Variants in BBX observed in about 807,000 individuals in gnomAD.
The protein encoded by BBX is HMG box transcription factor BBX.
A neutral mutation model predicts 100.2 loss-of-function variants in BBX; 30 were observed. The ratio of observed to expected loss-of-function variants is 0.30; its 90% CI spans 0.22 to 0.41. The LOEUF (loss-of-function observed/expected upper bound fraction) is 0.41, where lower values mean the gene tolerates loss of function less well. Among genes scored for constraint, BBX ranks in the 10% least tolerant of loss-of-function variants. BBX has a pLI of 1.00. For synonymous variants in BBX, 376 were observed against 388.1 expected (o/e 0.97, Z 0.37); for missense variants, 1,023 against 1,129.8 (o/e 0.91, Z 1.35).
chr3:107,620,299 C>A (rs2055644410), intron 2 of BBX, among the ~76,000 whole-genome samples: 1 of 152,142 alleles, frequency 6.6e-6, no homozygotes, highest in African/African-American at 2.4e-5. Context: ...TTGTTTCAGG[C>A]ACGGTTGCTT....
At chr3:107,657,064 A>G (rs1379681259) in intron 3 of BBX, 1 of 152,166 alleles carries the variant, frequency 6.6e-6, no homozygotes, top group Non-Finnish European at 1.5e-5. Context: ...CTCAAAAGGC[A>G]TATGGGCCAC....
chr3:107,568,117 T>A (rs1232828917), intron 2 of BBX, among the ~76,000 whole-genome samples: 1 of 152,136 alleles, frequency 6.6e-6, no homozygotes, highest in Non-Finnish European at 1.5e-5. Context: ...GTTTTTAAGG[T>A]TTTCTGTTTA....
intron 3 of BBX, among the ~76,000 whole-genome samples, chr3:107,710,167 G>A (rs1371595190): frequency 6.6e-6 from 1 of 152,198 alleles, no homozygotes; most frequent in Admixed American, 6.5e-5. Flanking sequence ...GGGGTTTTAG[G>A]TTCAGAAGCT....
At chr3:107,583,938 TTATA>T (rs897152584) in intron 2 of BBX, among the ~76,000 whole-genome samples, 3 of 100,318 alleles carry the variant, frequency 3.0e-5, no homozygotes, top group African/African-American at 8.7e-5. Flanking sequence ...AATATATATA[TTATA>T]TATATTATTA....
In BBX at chr3:107,764,003, C is replaced by T. The variant is rs115700485; in HGVS notation, c.906+8325C>T. On this transcript the variant is annotated intron_variant, in intron 10 of 17. Transcript: ENST00000325805. The stretch of plus-strand genomic sequence containing the variant: ...TTGTTTTTGTTGCTGCTGCTGTTGC[C>T]GTTTTTTGAGATGGAGTCTTGCTCT... 4.0e-3 allele frequency among the ~76,000 whole-genome samples: 606 copies of T among 152,198 alleles called. 6 individuals carry two copies. Among genetic ancestry groups the T allele is most frequent in the African/African-American group, 0.014 (577 of 41,534 alleles).
In BBX at chr3:107,798,581, A is replaced by G. The variant is rs2070017031; in HGVS notation, c.2412A>G (p.Pro804=). ...CTGTTCATAAGGTTAAAAATATCCCATCCATTTTCAACACTCCAGAGCCAA... is the reference window on the plus strand; with the variant it reads ...CTGTTCATAAGGTTAAAAATATCCCGTCCATTTTCAACACTCCAGAGCCAA... ...MEPVHKVKNI[P]SIFNTPEPTT... Residue 804 remains proline (P), a synonymous_variant, in exon 16 of 18, where the codon CCA becomes CCG. Coordinates refer to ENST00000325805, the MANE Select transcript of BBX (RefSeq NM_001142568.3). 9.3e-6 allele frequency: 15 copies of G among 1,613,980 alleles called. No homozygotes were observed. Among genetic ancestry groups the G allele is most frequent in the East Asian group, 2.2e-5 (1 of 44,878 alleles).
At chr3:107,533,429 A>G (rs485236) in intron 2 of BBX, among the ~76,000 whole-genome samples, 16,327 of 152,242 alleles carry the variant, frequency 0.11, 989 homozygotes, top group Non-Finnish European at 0.12. Context: ...TATTACCTCA[A>G]TCAGACTGTC....
At chr3:107,580,343 AG>A (rs2052178958) in intron 2 of BBX, among the ~76,000 whole-genome samples, 1 of 152,014 alleles carries the variant, frequency 6.6e-6, no homozygotes, top group Non-Finnish European at 1.5e-5. Flanking sequence ...TTAAATCCAC[AG>A]GTTTTTTTTG....
chr3:107,789,826 T>A lies in BBX; in HGVS notation c.2243T>A (p.Ile748Asn), dbSNP rs771090228. Reference sequence around the variant, plus strand: ...CAGAAAAAGAACTTATTCCACAAAATTGTCAGCAAATATAAGCACAAAAAG... The same window carrying A: ...CAGAAAAAGAACTTATTCCACAAAAATGTCAGCAAATATAAGCACAAAAAG... Reference protein sequence around the residue: ...QSQKKNLFHKIVSKYKHKKEK... With the variant: ...QSQKKNLFHKNVSKYKHKKEK... Residue 748 changes from isoleucine (I) to asparagine (N), a missense_variant, in exon 14 of 18, where the codon ATT (isoleucine) becomes AAT (asparagine). Physicochemically the swap from Ile to Asn is moderately radical, Grantham distance 149. Around this residue, in one of 9 missense-constraint regions of BBX, gnomAD observed 215 missense variants for 211.3 expected, o/e 1.02. Transcript: ENST00000325805. The A allele has an allele frequency of 3.2e-6, 5 of 1,550,006 alleles. 1 individual carries two copies. The South Asian group carries it at 6.0e-5, about 18-fold the overall frequency.
intron 2 of BBX, among the ~76,000 whole-genome samples, chr3:107,616,717 T>C (rs977779844): frequency 6.6e-6 from 1 of 152,202 alleles, no homozygotes; most frequent in Non-Finnish European, 1.5e-5. Context: ...AAATTGTTCA[T>C]GTATTTTCTC....
chr3:107,725,188 C>T (rs1464416066), intron 5 of BBX, among the ~76,000 whole-genome samples: 2 of 152,082 alleles, frequency 1.3e-5, no homozygotes, highest in East Asian at 3.8e-4. Context: ...GGGGAGTTCA[C>T]TCATGATTTG....
At chr3:107,635,211 T>G (rs1055681391) in intron 2 of BBX, among the ~76,000 whole-genome samples, 1 of 152,244 alleles carries the variant, frequency 6.6e-6, no homozygotes, top group Non-Finnish European at 1.5e-5. Context: ...TGATATAGTT[T>G]ACTTTAACTC....
At position 107,728,902 on chromosome 3, in the gene BBX, G is replaced by C. The variant is rs1277162537; in HGVS notation, c.543G>C (p.Leu181Phe). The C allele has an allele frequency of 1.9e-6, 3 of 1,613,858 alleles. No homozygotes were observed. Among genetic ancestry groups the C allele is most frequent in the Non-Finnish European group, 2.5e-6 (3 of 1,179,858 alleles). Residue 181 changes from leucine to phenylalanine, a missense_variant, in exon 6 of 18, where the codon TTG (leucine) becomes TTC (phenylalanine). This residue lies in a region of BBX where 229 missense variants were observed against 226.3 expected (regional missense o/e 1.01). Coordinates refer to ENST00000325805, the MANE Select transcript of BBX (RefSeq NM_001142568.3). ...WAFPSDSSRD[L>F]PSPKKAKTEE... ...TCCCATCTGACTCTTCAAGAGACTT[G>C]CCAAGCCCCAAGAAAGCAAAGACTG... is the stretch of plus-strand genomic sequence containing the variant.
chr3:107,696,971 T>C (rs1011764899), intron 3 of BBX, among the ~76,000 whole-genome samples: 2 of 151,888 alleles, frequency 1.3e-5, no homozygotes, highest in African/African-American at 4.9e-5. Flanking sequence ...CTGATACCCT[T>C]TCTTCCATTT....
At chr3:107,757,978 A>C (rs1001164603) in intron 10 of BBX, among the ~76,000 whole-genome samples, 1 of 152,130 alleles carries the variant, frequency 6.6e-6, no homozygotes, top group Non-Finnish European at 1.5e-5. Context: ...AATACAACTT[A>C]TTATCCTATC....
intron 5 of BBX, among the ~76,000 whole-genome samples, chr3:107,719,243 CGTT>C (rs966198662): frequency 1.1e-4 from 16 of 151,904 alleles, no homozygotes; most frequent in African/African-American, 3.6e-4. Flanking sequence ...AAATTTTAGA[CGTT>C]GTCCATTAGG....
chr3:107,674,549 C>T (rs528639406), intron 3 of BBX, among the ~76,000 whole-genome samples: 13 of 152,268 alleles, frequency 8.5e-5, no homozygotes, highest in Non-Finnish European at 1.8e-4. Flanking sequence ...GACATTGAGG[C>T]GTGCGATGCG....
chr3:107,778,349 T>G, intron 12 of BBX, 22 bp from the exon 13 acceptor site: 1 of 1,612,704 alleles, frequency 6.2e-7, no homozygotes, highest in South Asian at 1.1e-5. Flanking sequence ...TGCTGATTGA[T>G]TCCCCTCTCC....
chr3:107,697,112 A>C (rs943341962), intron 3 of BBX, among the ~76,000 whole-genome samples: 1 of 150,220 alleles, frequency 6.7e-6, no homozygotes, highest in Non-Finnish European at 1.5e-5. Context: ...AATTTTTTTC[A>C]AAGTTTTCAA....
Sources: gnomAD v4.1 joint callset for allele counts (sites outside exome capture counted in the v4.1 genomes callset) on GRCh38, gnomAD v4.1.1 for gene constraint, gnomAD v4.1.1 regional missense constraint, MANE v1.5 for transcripts, NCBI Gene and HGNC (gene_info 2026-07-23, HGNC 2026-07-21) for gene names.